The following LYN variants were observed in gnomAD, a reference collection of about 807,000 sequenced individuals.
The protein encoded by LYN is tyrosine-protein kinase Lyn.
LYN carries 12 observed loss-of-function variants against 65.0 expected under a neutral mutation model. That is an observed-to-expected ratio of 0.18 (90% CI 0.12 to 0.30). The LOEUF is 0.30. Ranked by LOEUF, LYN falls within the 10% of genes least tolerant of loss-of-function variation. LYN has a pLI of 1.00. For missense variants in LYN, 380 were observed against 623.2 expected (o/e 0.61, Z 4.16); for synonymous variants, 222 against 221.2 (o/e 1.00, Z -0.03).
At position 55,950,751 on chromosome 8, in the gene LYN, G is replaced by T. The variant is rs1438497156; in HGVS notation, c.454G>T (p.Ala152Ser). 1.2e-6 allele frequency: 2 copies of T among 1,613,680 alleles called. No individual in the cohort carries two copies. The highest frequency in any genetic ancestry group is 2.7e-5 in the African/African-American group (2 of 74,922). Residue 152 changes from alanine (A) to serine (S), a missense_variant, in exon 6 of 13, where the codon GCT becomes TCT. This residue lies in a region of LYN where 157 missense variants were observed against 193.2 expected (regional missense o/e 0.81). Transcript: ENST00000519728. ...QLLAPGNSAG[A>S]FLIRESETLK... Reference sequence around the variant, plus strand: ...TTTGGCACCAGGAAATAGCGCTGGAGCTTTCCTTATTAGAGAAAGTGAAAC... The same window carrying T: ...TTTGGCACCAGGAAATAGCGCTGGATCTTTCCTTATTAGAGAAAGTGAAAC...
At chr8:55,950,890 G>A in intron 6 of LYN, 106 bp downstream of exon 6, 2 of 742,552 alleles carry the variant, frequency 2.7e-6, no homozygotes, top group Non-Finnish European at 4.6e-6. Context: ...GTATGCTCTG[G>A]TAGTAAAAGT....
chr8:55,929,399 G>A (rs1286244158), intron 1 of LYN, among the ~76,000 whole-genome samples: 1 of 152,176 alleles, frequency 6.6e-6, no homozygotes, highest in East Asian at 1.9e-4. Context: ...CCAGATCTGT[G>A]TATGTGTCTT....
At chr8:56,004,005 T>C (rs537713654) in intron 12 of LYN, among the ~76,000 whole-genome samples, 3 of 138,286 alleles carry the variant, frequency 2.2e-5, no homozygotes, top group African/African-American at 7.8e-5. Flanking sequence ...CCATCTCACC[T>C]CACTGCAACC....
intron 10 of LYN, among the ~76,000 whole-genome samples, chr8:55,973,578 C>T (rs1441430544): frequency 6.6e-6 from 1 of 152,208 alleles, no homozygotes; most frequent in Non-Finnish European, 1.5e-5. Context: ...GGATTTCCTT[C>T]ACCAGAAGCT....
At chr8:55,989,601 A>G (rs1008245362) in intron 10 of LYN, among the ~76,000 whole-genome samples, 6 of 152,190 alleles carry the variant, frequency 3.9e-5, no homozygotes, top group African/African-American at 1.2e-4. Flanking sequence ...CTACTTTAAC[A>G]TTGTTAGAGG....
At chr8:56,002,735 T>G (rs1218646291) in intron 12 of LYN, among the ~76,000 whole-genome samples, 1 of 152,046 alleles carries the variant, frequency 6.6e-6, no homozygotes, top group East Asian at 1.9e-4. Flanking sequence ...CCAGAATCCA[T>G]CGACTAGTCT....
At chr8:55,938,272 C>T (rs988542100) in intron 1 of LYN, among the ~76,000 whole-genome samples, 9 of 152,202 alleles carry the variant, frequency 5.9e-5, no homozygotes, top group African/African-American at 1.9e-4. Flanking sequence ...TTGCAATGAA[C>T]AGACTAGAGT....
At chr8:56,009,139 A>T (rs1369174344) in intron 12 of LYN, among the ~76,000 whole-genome samples, 1 of 152,314 alleles carries the variant, frequency 6.6e-6, no homozygotes, top group East Asian at 1.9e-4. Flanking sequence ...TGGTAAAATT[A>T]TTTTTTTCAT....
At chr8:55,884,640 G>C (rs1804740865) in intron 1 of LYN, among the ~76,000 whole-genome samples, 1 of 150,140 alleles carries the variant, frequency 6.7e-6, no homozygotes, top group Non-Finnish European at 1.5e-5. Context: ...ATTTTTAGTA[G>C]AGATGGGTTT....
At chr8:55,921,276 T>C (rs913560667) in intron 1 of LYN, among the ~76,000 whole-genome samples, 4 of 152,232 alleles carry the variant, frequency 2.6e-5, no homozygotes, top group Non-Finnish European at 5.9e-5. Context: ...GCTTTGTTGC[T>C]GACTTGGTAA....
At chr8:55,902,331 C>CT (rs11424283) in intron 1 of LYN, among the ~76,000 whole-genome samples, 98,016 of 133,870 alleles carry the variant, frequency 0.73, 34,550 homozygotes, top group East Asian at 0.97. Context: ...TTCTTTCTTT[C>CT]TTTTTTTTTT....
chr8:55,934,775 C>T (rs1183422084), intron 1 of LYN, among the ~76,000 whole-genome samples: 2 of 152,190 alleles, frequency 1.3e-5, no homozygotes, highest in Non-Finnish European at 2.9e-5. Context: ...ACCCACTTCC[C>T]ACCTCACCCC....
intron 10 of LYN, among the ~76,000 whole-genome samples, chr8:55,990,650 T>C (rs919858578): frequency 4.6e-5 from 7 of 152,218 alleles, no homozygotes; most frequent in African/African-American, 1.7e-4. Flanking sequence ...TGGAATTTGG[T>C]ATCTTATTGC....
At chr8:55,942,023 C>G (rs758925814) in intron 2 of LYN, 32 bp downstream of exon 2, 2 of 1,609,622 alleles carry the variant, frequency 1.2e-6, no homozygotes, top group Admixed American at 3.4e-5. Context: ...AGAATTCCCA[C>G]AGCAAGATCA....
At chr8:55,939,993 A>G (rs1182671758) in intron 1 of LYN, among the ~76,000 whole-genome samples, 1 of 152,246 alleles carries the variant, frequency 6.6e-6, no homozygotes, top group East Asian at 1.9e-4. Flanking sequence ...TACCTCAAGT[A>G]ATGAAATGAT....
At chr8:55,999,640 C>T (rs1166552747) in intron 12 of LYN, 91 bp downstream of exon 12, 1 of 1,259,428 alleles carries the variant, frequency 7.9e-7, no homozygotes, top group Admixed American at 1.8e-5. Context: ...ATTACTTCAT[C>T]TACCCGATAG....
intron 1 of LYN, among the ~76,000 whole-genome samples, chr8:55,915,768 C>G (rs542145587): frequency 6.6e-6 from 1 of 151,386 alleles, no homozygotes; most frequent in Non-Finnish European, 1.5e-5. Flanking sequence ...ACATATGAAG[C>G]AGTGCTGCCA....
In LYN at chr8:55,946,334, A is replaced by G. The variant is rs1378528939; in HGVS notation, c.133-114A>G. 4 of 749,122 alleles carry G rather than the reference A, an allele frequency of 5.3e-6. No individual in the cohort carries two copies. In the East Asian group the frequency reaches 9.8e-5, roughly 18 times the overall value. 46.4% of individuals were successfully genotyped at this position (749,122 alleles called of 1,614,324 possible). ...TCTGTGCTCCTGTTCTTTCTGACTT[A>G]ATAAATGAGCCCATCCTAACATCTG... On this transcript the variant is annotated intron_variant, in intron 2 of 12. Coordinates refer to ENST00000519728, the MANE Select transcript of LYN (RefSeq NM_002350.4).
intron 1 of LYN, among the ~76,000 whole-genome samples, chr8:55,935,817 G>C (rs1318062112): frequency 2.7e-5 from 4 of 149,356 alleles, no homozygotes; most frequent in African/African-American, 7.4e-5. Context: ...TGGGAAAATT[G>C]ATGCAAGACT....
Sources: allele counts gnomAD v4.1 joint callset (sites outside exome capture counted in the v4.1 genomes callset), GRCh38; gene constraint gnomAD v4.1.1; regional missense constraint gnomAD v4.1.1; transcripts MANE v1.5; gene names NCBI Gene and HGNC (gene_info 2026-07-23, HGNC 2026-07-21).